MYO16: variants seen among roughly 807,000 people sequenced by gnomAD.
The protein encoded by MYO16 is unconventional myosin-XVI.
A neutral mutation model predicts 205.3 loss-of-function variants in MYO16; 94 were observed. The ratio of observed to expected loss-of-function variants is 0.46; its 90% confidence interval spans 0.39 to 0.54. The LOEUF is 0.54. MYO16 is among the 20% of genes least tolerant of loss of function. MYO16 has a pLI of 0.00. For missense variants in MYO16, 2,315 were observed against 2,387.5 expected, an observed-to-expected ratio of 0.97 and a Z score of 0.63; for synonymous variants, 988 against 954.0, an observed-to-expected ratio of 1.04 and a Z score of -0.66.
the MYO16 span, among the ~76,000 whole-genome samples, chr13:108,582,588 G>A: frequency 6.6e-6 from 1 of 152,176 alleles, no homozygotes; most frequent in Admixed American, 6.5e-5. Context: ...AGAGAAAACA[G>A]GACAATTACC....
chr13:108,975,825 T>C (rs1884237250), intron 20 of MYO16, among the ~76,000 whole-genome samples: 1 of 152,184 alleles, frequency 6.6e-6, no homozygotes, highest in South Asian at 2.1e-4. Context: ...ATAATAAGCA[T>C]CACCTAACTT....
intron 16 of MYO16, among the ~76,000 whole-genome samples, chr13:108,926,811 A>T (rs1001689061): frequency 6.6e-6 from 1 of 152,176 alleles, no homozygotes; most frequent in Non-Finnish European, 1.5e-5. Flanking sequence ...GATGAAGTTG[A>T]TCCAATTCAC....
Position 109,141,332 on chromosome 13 carries a change from T to C in MYO16, c.5120T>C (p.Val1707Ala). The change falls in exon 32 of 35, where the codon GTG becomes GCG. Residue 1707 changes from valine to alanine, a missense_variant. Val to Ala is a moderately conservative substitution (Grantham distance 64). Coordinates refer to ENST00000457511, the MANE Select transcript of MYO16 (RefSeq NM_001198950.3). The surrounding 1 kb of genome is among the most constrained non-coding windows in gnomAD (Gnocchi z 4.1). ...LASLFNSGRS[V>A]LRKSAAGRKI... The stretch of plus-strand genomic sequence containing the variant: ...AGCCTCTTCAACTCGGGGAGGAGTG[T>C]GCTTCGGAAATCCGCGGCGGGAAGA... 6.4e-7 allele frequency: 1 copy of C among 1,564,430 alleles called. No homozygotes were observed. The highest frequency in any genetic ancestry group is 8.6e-7 in the Non-Finnish European group (1 of 1,159,312).
rs552539166 is a variant in MYO16, at chr13:109,127,522, C to G, written c.4023C>G (p.Leu1341=). The change falls in exon 31 of 35, where the codon CTC becomes CTG. Residue 1341 remains leucine (L), a synonymous_variant. Coordinates refer to ENST00000457511, the MANE Select transcript of MYO16 (RefSeq NM_001198950.3). This position sits in a 1 kb window ranked among gnomAD's most constrained non-coding sequence, Gnocchi z 4.2. ...SASYEAVSAC[L]SAAREAANEA... ...CCTATGAGGCTGTGAGCGCCTGCCTCTCCGCGGCCAGGGAAGCGGCCAACG... is the reference window on the plus strand; with the variant it reads ...CCTATGAGGCTGTGAGCGCCTGCCTGTCCGCGGCCAGGGAAGCGGCCAACG... The G allele has an allele frequency of 1.2e-6, 2 of 1,612,344 alleles. No homozygotes were observed. The highest frequency in any genetic ancestry group is 2.2e-5 in the South Asian group (2 of 91,064).
At chr13:109,050,167 T>C (rs1267288964) in intron 24 of MYO16, among the ~76,000 whole-genome samples, 1 of 152,140 alleles carries the variant, frequency 6.6e-6, no homozygotes, top group African/African-American at 2.4e-5. Context: ...AATATTAGTC[T>C]TTTATGGTCA....
chr13:108,754,507 G>A (rs567511234), intron 4 of MYO16, among the ~76,000 whole-genome samples: 2 of 145,470 alleles, frequency 1.4e-5, no homozygotes, highest in South Asian at 4.2e-4. Flanking sequence ...GCTAGTTACA[G>A]GTTTTGGCGT....
chr13:108,733,001 T>C (rs1035507848), intron 4 of MYO16, among the ~76,000 whole-genome samples: 2 of 152,172 alleles, frequency 1.3e-5, no homozygotes, highest in Non-Finnish European at 2.9e-5. Flanking sequence ...ATAGAGTGAA[T>C]GGCAGAAGAT....
chr13:108,892,006 TAATA>T (rs1165033580), intron 14 of MYO16, among the ~76,000 whole-genome samples: 2 of 152,188 alleles, frequency 1.3e-5, no homozygotes, highest in African/African-American at 4.8e-5. Flanking sequence ...GATTTTTAAT[TAATA>T]AATTAGTATT....
intron 7 of MYO16, among the ~76,000 whole-genome samples, chr13:108,810,526 A>T (rs1225418895): frequency 6.6e-6 from 1 of 152,264 alleles, no homozygotes; most frequent in Non-Finnish European, 1.5e-5. Context: ...TATTTCACCA[A>T]GAAAAATAGT....
chr13:108,864,830 A>C (rs376762525), intron 11 of MYO16, among the ~76,000 whole-genome samples: 2 of 152,226 alleles, frequency 1.3e-5, no homozygotes, highest in East Asian at 3.9e-4. Flanking sequence ...GAGCCACTGC[A>C]CCTGCCCATG....
intron 4 of MYO16, among the ~76,000 whole-genome samples, chr13:108,741,685 A>C (rs1884914112): frequency 6.6e-6 from 1 of 152,234 alleles, no homozygotes; most frequent in African/African-American, 2.4e-5. Context: ...AAGTAAGTAA[A>C]TCTGCAAATA....
intron 9 of MYO16, among the ~76,000 whole-genome samples, chr13:108,830,273 G>T (rs1294445006): frequency 1.8e-4 from 21 of 114,716 alleles, no homozygotes; most frequent in South Asian, 1.8e-3. Flanking sequence ...TATACCCAAA[G>T]GACTATAAAT....
At chr13:108,899,721 C>A (rs1880614670) in intron 15 of MYO16, among the ~76,000 whole-genome samples, 1 of 152,162 alleles carries the variant, frequency 6.6e-6, no homozygotes, top group Non-Finnish European at 1.5e-5. Context: ...CTCTCAGTGA[C>A]TGGTGGGCTG....
the MYO16 span, among the ~76,000 whole-genome samples, chr13:108,571,941 A>G: frequency 6.6e-6 from 1 of 150,930 alleles, no homozygotes; most frequent in African/African-American, 2.4e-5. Context: ...TTTTTTTTTA[A>G]ACAGGGTCTT....
intron 1 of MYO16, among the ~76,000 whole-genome samples, chr13:108,662,655 G>A (rs2139426643): frequency 6.6e-6 from 1 of 152,290 alleles, no homozygotes; most frequent in South Asian, 2.1e-4. Context: ...CTGTTCCCAG[G>A]TGGAGGGCAA....
the MYO16 span, among the ~76,000 whole-genome samples, chr13:108,544,298 G>A: frequency 1.3e-5 from 2 of 152,024 alleles, no homozygotes; most frequent in Non-Finnish European, 2.9e-5. Context: ...GTCCAATCAC[G>A]TAAAACCTTA....
chr13:108,537,980 G>T, the MYO16 span, among the ~76,000 whole-genome samples: 8 of 152,062 alleles, frequency 5.3e-5, no homozygotes, highest in Non-Finnish European at 1.0e-4. Context: ...TCATTCTGTT[G>T]CTTGTTTCTT....
chr13:109,073,540 A>C (rs1486718728), intron 27 of MYO16, among the ~76,000 whole-genome samples: 1 of 152,184 alleles, frequency 6.6e-6, no homozygotes, highest in Non-Finnish European at 1.5e-5. Flanking sequence ...GGGGTATCTA[A>C]GCCTAAAACA....
At chr13:108,651,868 T>C (rs1566529428) in intron 1 of MYO16, among the ~76,000 whole-genome samples, 1 of 152,196 alleles carries the variant, frequency 6.6e-6, no homozygotes. Flanking sequence ...TTTATTGCTC[T>C]ATAAAGAGGG....
Sources: gnomAD v4.1 joint callset for allele counts (sites outside exome capture counted in the v4.1 genomes callset) on GRCh38, gnomAD v4.1.1 for gene constraint, Gnocchi (gnomAD v3.1) non-coding constraint, MANE v1.5 for transcripts, NCBI Gene and HGNC (gene_info 2026-07-23, HGNC 2026-07-21) for gene names.